Variants in IFT74 observed in about 807,000 individuals in gnomAD.
The protein encoded by IFT74 is intraflagellar transport 74.
IFT74 carries 92 observed loss-of-function variants against 96.7 expected under a neutral mutation model. The observed-to-expected ratio is 0.95, with a 90% CI of 0.80 to 1.13. The LOEUF is 1.13. Ranked by LOEUF, IFT74 falls within the 50% of genes most tolerant of loss-of-function variation. The pLI, the probability that IFT74 is intolerant of heterozygous loss-of-function variation, is 0.00. For missense variants in IFT74, 811 were observed against 698.2 expected (o/e 1.16, Z -1.82); for synonymous variants, 223 against 213.2 (o/e 1.05, Z -0.40).
intron 6 of IFT74, among the ~76,000 whole-genome samples, chr9:26,987,942 TTTGTTGTTG>T (rs558957842): frequency 6.6e-6 from 1 of 151,916 alleles, no homozygotes; most frequent in African/African-American, 2.4e-5. Flanking sequence ...AAATTTGTTT[TTTGTTGTTG>T]TTGTTGTTGT....
intron 13 of IFT74, among the ~76,000 whole-genome samples, chr9:27,038,496 C>G (rs1342010514): frequency 1.3e-5 from 2 of 152,156 alleles, no homozygotes; most frequent in African/African-American, 4.8e-5. Flanking sequence ...CCAGGCTGGT[C>G]TCAAACTCCT....
chr9:27,052,068 TC>T (rs1252095701), intron 16 of IFT74, among the ~76,000 whole-genome samples: 1 of 152,198 alleles, frequency 6.6e-6, no homozygotes, highest in African/African-American at 2.4e-5. Flanking sequence ...AACAAGTTTT[TC>T]CCCCTTTAAG....
At chr9:27,018,894 G>T (rs1319891373) in intron 12 of IFT74, among the ~76,000 whole-genome samples, 2 of 152,026 alleles carry the variant, frequency 1.3e-5, no homozygotes, top group African/African-American at 4.8e-5. Context: ...CATATTTAAT[G>T]TAAACAATTT....
chr9:26,996,738 TTTA>T (rs1828179044), intron 8 of IFT74, among the ~76,000 whole-genome samples: 1 of 151,360 alleles, frequency 6.6e-6, no homozygotes, highest in South Asian at 2.1e-4. Flanking sequence ...TAGTGTAGAT[TTTA>T]TTATTAATAT....
chr9:27,057,486 A>G (rs1462816478), intron 18 of IFT74, among the ~76,000 whole-genome samples: 1 of 152,196 alleles, frequency 6.6e-6, no homozygotes, highest in Non-Finnish European at 1.5e-5. Flanking sequence ...CGGTCTGAAA[A>G]AAATTGATCA....
chr9:27,042,897 C>T (rs72703119), intron 13 of IFT74, among the ~76,000 whole-genome samples: 2,356 of 152,260 alleles, frequency 0.015, 29 homozygotes, highest in Non-Finnish European at 0.026. Context: ...GCTGCAAACT[C>T]CAACTCTTTC....
rs1270777178 is a variant in IFT74 at position 26,956,457 on chromosome 9, T to G, written c.-79T>G. ...AGCCGAGGAAAACTGAGCGTGGGCCTCAGAAAGAAGTTAAGGCACCCGCGA... is the reference window on the plus strand; with the variant it reads ...AGCCGAGGAAAACTGAGCGTGGGCCGCAGAAAGAAGTTAAGGCACCCGCGA... On this transcript the variant is annotated 5_prime_UTR_variant, in exon 1 of 20. Coordinates refer to ENST00000380062, the MANE Select transcript of IFT74 (RefSeq NM_025103.4). The G allele has an allele frequency of 6.6e-6, 1 of 152,202 alleles. No individual in the cohort carries two copies. Among genetic ancestry groups the G allele is most frequent in the Non-Finnish European group, 1.5e-5 (1 of 68,058 alleles). 9.4% of individuals were successfully genotyped at this position (152,202 alleles called of 1,614,324 possible).
At chr9:26,965,544 C>A (rs1223543500) in intron 2 of IFT74, among the ~76,000 whole-genome samples, 1 of 151,790 alleles carries the variant, frequency 6.6e-6, no homozygotes, top group African/African-American at 2.4e-5. Flanking sequence ...TTCTTTTATT[C>A]CAGTAAAAAT....
chr9:26,947,225 G>A (rs919444901), intron 1 of IFT74: 6 of 640,724 alleles, frequency 9.4e-6, no homozygotes, highest in African/African-American at 7.7e-5. Flanking sequence ...CGAGCGGGCC[G>A]AGTGACACAG....
chr9:26,999,770 C>CA (rs1486706908), intron 8 of IFT74: 1 of 339,604 alleles, frequency 2.9e-6, no homozygotes, highest in Non-Finnish European at 4.6e-6. Context: ...TCTGTTTATT[C>CA]TTTTTTTTTT....
upstream of IFT74, chr9:26,956,407 A>G (rs1826096361): frequency 6.6e-6 from 1 of 152,270 alleles, no homozygotes; most frequent in African/African-American, 2.4e-5. Context: ...GCCGCGGCGC[A>G]CGGCAGTTAG....
intron 1 of IFT74, chr9:26,947,221 G>A: frequency 3.0e-6 from 2 of 676,106 alleles, no homozygotes; most frequent in Non-Finnish European, 4.7e-6. Context: ...GCGCCGAGCG[G>A]GCCGAGTGAC....
At chr9:27,030,655 T>C (rs998229724) in intron 13 of IFT74, among the ~76,000 whole-genome samples, 1 of 152,028 alleles carries the variant, frequency 6.6e-6, no homozygotes, top group African/African-American at 2.4e-5. Flanking sequence ...ATGAAAGTTA[T>C]ATGGTCAGAA....
At chr9:27,014,599 T>C (rs1377273830) in intron 10 of IFT74, among the ~76,000 whole-genome samples, 1 of 152,146 alleles carries the variant, frequency 6.6e-6, no homozygotes, top group Middle Eastern at 3.2e-3. Context: ...TTGCCAGATT[T>C]CTTTCTTTTT....
chr9:26,990,228 A>G, intron 8 of IFT74, 33 bp downstream of exon 8: 1 of 1,161,194 alleles, frequency 8.6e-7, no homozygotes, highest in Non-Finnish European at 1.2e-6. Context: ...TTAGATTCAT[A>G]AGTAAGCTTT....
At chr9:27,034,086 C>A (rs1056706931) in intron 13 of IFT74, among the ~76,000 whole-genome samples, 1 of 152,026 alleles carries the variant, frequency 6.6e-6, no homozygotes, top group African/African-American at 2.4e-5. Flanking sequence ...AAATGTTGTA[C>A]GGTCACTGTC....
chr9:27,038,795 T>G (rs1160199773), intron 13 of IFT74, among the ~76,000 whole-genome samples: 1 of 152,100 alleles, frequency 6.6e-6, no homozygotes, highest in Non-Finnish European at 1.5e-5. Context: ...TTGCAGCAGT[T>G]TTTCAACAGG....
At chr9:26,965,370 G>A (rs1399941478) in intron 2 of IFT74, among the ~76,000 whole-genome samples, 1 of 152,122 alleles carries the variant, frequency 6.6e-6, no homozygotes, top group African/African-American at 2.4e-5. Context: ...CTCATAAGAA[G>A]AGCAGCATTT....
At chr9:26,957,504 G>A (rs1826166049) in intron 1 of IFT74, among the ~76,000 whole-genome samples, 1 of 152,170 alleles carries the variant, frequency 6.6e-6, no homozygotes, top group South Asian at 2.1e-4. Flanking sequence ...TAGAATCAGG[G>A]AGCTAGTGGG....
Sources: gnomAD v4.1 joint callset for allele counts (sites outside exome capture counted in the v4.1 genomes callset) on GRCh38, gnomAD v4.1.1 for gene constraint, MANE v1.5 for transcripts, NCBI Gene and HGNC (gene_info 2026-07-23, HGNC 2026-07-21) for gene names.